Variants in CBR3 observed in about 807,000 individuals in gnomAD.
CBR3 encodes the protein carbonyl reductase [NADPH] 3.
Under a neutral mutation model 11.6 loss-of-function variants are expected in CBR3, and 14 were observed. The observed-to-expected ratio is 1.20, with a 90% CI of 0.79 to 1.88. CBR3 has a LOEUF of 1.88. CBR3 is among the 40% of genes most tolerant of loss of function. The pLI is 0.00. For missense variants in CBR3, 308 were observed against 357.3 expected (o/e 0.86, Z 1.11); for synonymous variants, 125 against 145.6 (o/e 0.86, Z 1.02).
intron 1 of CBR3, among the ~76,000 whole-genome samples, chr21:36,136,929 C>G (rs1000983859): frequency 1.4e-5 from 2 of 148,054 alleles, no homozygotes; most frequent in African/African-American, 5.0e-5. Context: ...TCGGGAGGCT[C>G]AGGCACAAGA....
chr21:36,143,604 A>T (rs551509213), intron 2 of CBR3, among the ~76,000 whole-genome samples: 1 of 152,106 alleles, frequency 6.6e-6, no homozygotes, highest in South Asian at 2.1e-4. Context: ...ATCAGGCCGG[A>T]TGCAGTGGCT....
chr21:36,135,267 G>C lies in CBR3; in HGVS notation c.75G>C (p.Leu25=). ...TCGGCTTGGCCATCGCGCGCGAACT[G>C]TGCCGACAGTTCTCTGGGGATGTGG... The part of the protein sequence containing the change: ...RGIGLAIARE[L]CRQFSGDVVL... Residue 25 remains leucine (L), a synonymous_variant, in exon 1 of 3, where the codon CTG becomes CTC. Coordinates refer to ENST00000290354, the MANE Select transcript of CBR3 (RefSeq NM_001236.4). 1 of 1,601,826 alleles carries C rather than the reference G, an allele frequency of 6.2e-7. No homozygotes were observed. The highest frequency in any genetic ancestry group is 1.1e-5 in the South Asian group (1 of 89,988).
intron 2 of CBR3, among the ~76,000 whole-genome samples, chr21:36,145,757 C>A (rs979060538): frequency 9.9e-4 from 151 of 152,120 alleles, no homozygotes; most frequent in African/African-American, 3.5e-3. Context: ...GTCAGGAGTT[C>A]AAGACCAGCC....
intron 2 of CBR3, among the ~76,000 whole-genome samples, chr21:36,143,572 A>T (rs1413667219): frequency 6.6e-6 from 1 of 152,106 alleles, no homozygotes; most frequent in East Asian, 1.9e-4. Flanking sequence ...ATATTATCAA[A>T]TAGGGACTAA....
chr21:36,140,839 C>T (rs1444417045), intron 2 of CBR3, among the ~76,000 whole-genome samples: 1 of 151,806 alleles, frequency 6.6e-6, no homozygotes, highest in Admixed American at 6.6e-5. Flanking sequence ...AACCCCATCT[C>T]TACTAAAAAT....
In CBR3 at chr21:36,142,431, C is replaced by CAAAAAAAAAAAAACAAAAAAA. The variant is rs1555883285; in HGVS notation, c.398-3632_398-3631insCAAAAAAAAAAAAAAAAAAAA. ...TAGGTGACAGAGCGAGACTCCATCT[C>CAAAAAAAAAAAAACAAAAAAA]AAAAAAAAAAAAAAAAACGCAATCC... On this transcript the variant is annotated intron_variant, in intron 2 of 2. Coordinates refer to ENST00000290354, the MANE Select transcript of CBR3 (RefSeq NM_001236.4). Among the ~76,000 whole-genome samples the CAAAAAAAAAAAAACAAAAAAA allele has an allele frequency of 5.9e-4, 24 of 40,416 alleles. 1 individual carries two copies. The highest frequency in any genetic ancestry group is 2.6e-3 in the African/African-American group (23 of 8,864). The allele number at this position is 40,416 out of a possible 152,430, so 26.5% of individuals were successfully genotyped here.
intron 2 of CBR3, among the ~76,000 whole-genome samples, chr21:36,143,762 C>T (rs898740259): frequency 9.2e-5 from 14 of 151,486 alleles, no homozygotes; most frequent in South Asian, 2.1e-4. Flanking sequence ...TGCCTGTGGG[C>T]CCAGTTATTT....
At position 36,137,803 on chromosome 21, in the gene CBR3, T is replaced by C. The variant is rs1332535332; in HGVS notation, c.290-22T>C. The stretch of plus-strand genomic sequence containing the variant: ...AGGGGGAAAAATATGACTTTCTTTT[T>C]GTTTCTTTCTCTTTTTGAAAGGTGA... On this transcript the variant is annotated intron_variant, in intron 1 of 2. Coordinates refer to ENST00000290354, the MANE Select transcript of CBR3 (RefSeq NM_001236.4). 4.3e-6 allele frequency: 6 copies of C among 1,394,284 alleles called. 1 individual carries two copies. In the Admixed American group the frequency reaches 6.8e-5, roughly 16 times the overall value. 86.4% of individuals were successfully genotyped at this position (1,394,284 alleles called of 1,614,324 possible).
rs764614988 is a variant in CBR3, at chr21:36,135,236, G to A, written c.44G>A (p.Arg15Lys). ...GTGGCGCTGGTGACCGGGGCCAACA[G>A]GGGCATCGGCTTGGCCATCGCGCGC... The part of the protein sequence containing the change: ...SRVALVTGAN[R>K]GIGLAIAREL... Residue 15 changes from arginine (R) to lysine (K), a missense_variant, in exon 1 of 3, where the codon AGG becomes AAG. Coordinates refer to ENST00000290354, the MANE Select transcript of CBR3 (RefSeq NM_001236.4). The A allele has an allele frequency of 1.3e-6, 2 of 1,563,606 alleles. No individual in the cohort carries two copies. The highest frequency in any genetic ancestry group is 1.4e-5 in the African/African-American group (1 of 73,048).
At position 36,135,364 on chromosome 21, in the gene CBR3, C is replaced by A; in HGVS notation, c.172C>A (p.Arg58Ser). 1 of 1,612,970 alleles carries A rather than the reference C, an allele frequency of 6.2e-7. No individual in the cohort carries two copies. The highest frequency in any genetic ancestry group is 8.5e-7 in the Non-Finnish European group (1 of 1,179,814). The change falls in exon 1 of 3, where the codon CGC (arginine) becomes AGC (serine). Residue 58 changes from arginine (R) to serine (S), a missense_variant. Physicochemically the swap from Arg to Ser is moderately radical, Grantham distance 110. Transcript: ENST00000290354. ...GCTGCAGGCGGAGGGCCTGAGCCCG[C>A]GCTTCCACCAACTGGACATCGACGA... is the stretch of plus-strand genomic sequence containing the variant. ...QQLQAEGLSPRFHQLDIDDLQ... is the reference protein window; with the variant it reads ...QQLQAEGLSPSFHQLDIDDLQ...
At chr21:36,142,431 CA>C (rs71326645) in intron 2 of CBR3, among the ~76,000 whole-genome samples, 21 of 40,420 alleles carry the variant, frequency 5.2e-4, no homozygotes, top group Admixed American at 1.2e-3. Flanking sequence ...GACTCCATCT[CA>C]AAAAAAAAAA....
chr21:36,140,353 T>A (rs530660045), intron 2 of CBR3, among the ~76,000 whole-genome samples: 1 of 152,206 alleles, frequency 6.6e-6, no homozygotes, highest in Non-Finnish European at 1.5e-5. Context: ...ACGCACATTT[T>A]AAAAACTCTC....
intron 2 of CBR3, among the ~76,000 whole-genome samples, chr21:36,144,006 T>C (rs1342757560): frequency 6.6e-6 from 1 of 152,084 alleles, no homozygotes; most frequent in Non-Finnish European, 1.5e-5. Flanking sequence ...CTGCTGGTTG[T>C]GGCACTAAGG....
intron 2 of CBR3, among the ~76,000 whole-genome samples, chr21:36,145,364 G>A (rs750079619): frequency 7.0e-4 from 107 of 151,974 alleles, no homozygotes; most frequent in Non-Finnish European, 6.2e-4. Context: ...GGTCTCATTC[G>A]TGTCACCCAG....
chr21:36,137,508 AAGG>A (rs1568978586), intron 1 of CBR3: 669 of 16,182 alleles, frequency 0.041, 6 homozygotes, highest in Middle Eastern at 0.077. Flanking sequence ...GAAAGAAAGG[AAGG>A]AAGGAAGGAA....
chr21:36,143,821 A>C (rs2065732809), intron 2 of CBR3, among the ~76,000 whole-genome samples: 1 of 150,926 alleles, frequency 6.6e-6, no homozygotes, highest in South Asian at 2.1e-4. Flanking sequence ...TGGAGGCTAC[A>C]GTGAGCCGAG....
At chr21:36,136,810 C>T (rs958665153) in intron 1 of CBR3, among the ~76,000 whole-genome samples, 2 of 150,850 alleles carry the variant, frequency 1.3e-5, no homozygotes. Flanking sequence ...GGCAGATAAC[C>T]TGAGGTCAGG....
rs552609119 is a variant in CBR3, at chr21:36,142,279, G to A, written c.398-3797G>A. The stretch of plus-strand genomic sequence containing the variant: ...AACCCCGTCTCTACTAAAAATACAA[G>A]AAATTAGCCAGGCATGGTGGCAGGC... On this transcript the variant is annotated intron_variant, in intron 2 of 2. Transcript: ENST00000290354. 1.6e-3 allele frequency among the ~76,000 whole-genome samples: 248 copies of A among 151,668 alleles called. 2 individuals carry two copies. The highest frequency in any genetic ancestry group is 3.9e-4 in the East Asian group (2 of 5,156).
At position 36,146,363 on chromosome 21, in the gene CBR3, G is replaced by T. The variant is rs369106912; in HGVS notation, c.685G>T (p.Gly229Ter). 1.9e-6 allele frequency: 3 copies of T among 1,614,188 alleles called. No homozygotes were observed. Among genetic ancestry groups the T allele is most frequent in the Non-Finnish European group, 2.5e-6 (3 of 1,180,042 alleles). ...DRILVNACCP[G>*]PVKTDMDGKD... ...GATTCTGGTGAATGCGTGCTGCCCA[G>T]GACCAGTGAAGACAGACATGGATGG... The change falls in exon 3 of 3, where the codon GGA (glycine) becomes TGA (stop). Residue 229 changes from glycine to a stop codon, truncating the protein, a stop_gained. Transcript: ENST00000290354. LOFTEE classifies it low-confidence loss of function (END_TRUNC).
Sources: allele counts gnomAD v4.1 joint callset (sites outside exome capture counted in the v4.1 genomes callset), GRCh38; gene constraint gnomAD v4.1.1; transcripts MANE v1.5; gene names NCBI Gene and HGNC (gene_info 2026-07-23, HGNC 2026-07-21).